MRPS35: variants seen among roughly 807,000 people sequenced by gnomAD.
MRPS35 encodes small ribosomal subunit protein mS35.
A neutral mutation model predicts 32.7 loss-of-function variants in MRPS35; 29 were observed. The observed-to-expected ratio is 0.89, with a 90% CI of 0.66 to 1.21. MRPS35 has a LOEUF of 1.21. MRPS35 is among the 50% of genes most tolerant of loss of function. The probability of loss-of-function intolerance (pLI) is 0.00; values close to 1 mark genes in which losing one functional copy is unlikely to be tolerated. For missense variants in MRPS35, 373 were observed against 383.8 expected (o/e 0.97, Z 0.23); for synonymous variants, 148 against 139.3 (o/e 1.06, Z -0.44).
At chr12:27,740,073 A>G (rs2061958060) in intron 7 of MRPS35, among the ~76,000 whole-genome samples, 1 of 152,204 alleles carries the variant, frequency 6.6e-6, no homozygotes, top group Non-Finnish European at 1.5e-5. Context: ...GAGCCGTGAA[A>G]TTTTGCGGAG....
At chr12:27,714,687 T>C in intron 1 of MRPS35, 93 bp from the exon 2 acceptor site, 3 of 946,184 alleles carry the variant, frequency 3.2e-6, no homozygotes. Flanking sequence ...ATACCTTAAA[T>C]TGTGTTAGAA....
At chr12:27,726,960 CTTTT>C (rs140813983) in intron 5 of MRPS35, among the ~76,000 whole-genome samples, 4 of 123,262 alleles carry the variant, frequency 3.2e-5, no homozygotes, top group African/African-American at 3.1e-5. Flanking sequence ...TGATGATGTC[CTTTT>C]TTTTTTTTTT....
In MRPS35 at chr12:27,742,499, C is replaced by G. The variant is rs191690707; in HGVS notation, c.702+4891C>G. ...TGAGAGCCACAGACAAGGGTTAACT[C>G]CCCCTGAAAACGTCACAGGAATGAT... is the stretch of plus-strand genomic sequence containing the variant. On this transcript the variant is annotated intron_variant, in intron 7 of 7. Coordinates refer to ENST00000081029, the MANE Select transcript of MRPS35 (RefSeq NM_021821.4). 6.8e-4 allele frequency among the ~76,000 whole-genome samples: 104 copies of G among 152,270 alleles called. 1 individual carries two copies. The highest frequency in any genetic ancestry group is 2.5e-3 in the African/African-American group (103 of 41,550).
intron 7 of MRPS35, among the ~76,000 whole-genome samples, chr12:27,740,466 C>G (rs2061960153): frequency 6.6e-6 from 1 of 152,074 alleles, no homozygotes; most frequent in South Asian, 2.1e-4. Context: ...GATGGGATTT[C>G]ACTGTGTTGT....
At chr12:27,722,186 C>G (rs1457991557) in intron 4 of MRPS35, among the ~76,000 whole-genome samples, 3 of 152,192 alleles carry the variant, frequency 2.0e-5, no homozygotes, top group Admixed American at 6.6e-5. Context: ...ATTGCGTCTT[C>G]CGTATAACTC....
At chr12:27,727,725 T>A (rs944715577) in intron 5 of MRPS35, among the ~76,000 whole-genome samples, 1 of 152,160 alleles carries the variant, frequency 6.6e-6, no homozygotes, top group African/African-American at 2.4e-5. Flanking sequence ...CCTAAAAGTT[T>A]TATAGTTTTA....
At chr12:27,740,964 C>T (rs527842429) in intron 7 of MRPS35, among the ~76,000 whole-genome samples, 1 of 152,032 alleles carries the variant, frequency 6.6e-6, no homozygotes, top group South Asian at 2.1e-4. Flanking sequence ...CTCAGGAGTT[C>T]GATACCACCC....
In MRPS35 at chr12:27,724,101, A is replaced by G. The variant is rs370568776; in HGVS notation, c.437A>G (p.His146Arg). The G allele has an allele frequency of 2.0e-5, 32 of 1,613,108 alleles. No individual in the cohort carries two copies. The African/African-American group carries it at 2.8e-4, about 14-fold the overall frequency. The change falls in exon 5 of 8, where the codon CAT becomes CGT. Residue 146 changes from histidine (H) to arginine (R), a missense_variant. Coordinates refer to ENST00000081029, the MANE Select transcript of MRPS35 (RefSeq NM_021821.4). ...GACAGTGACGAGAAATGTGAGAAGC[A>G]TTTTCCAATTGAAATTGACAGCACT... ...ALDSDEKCEK[H>R]FPIEIDSTDY... is the part of the protein sequence containing the mutation.
chr12:27,720,670 ACT>A (rs2061870372), intron 4 of MRPS35, among the ~76,000 whole-genome samples: 1 of 151,670 alleles, frequency 6.6e-6, no homozygotes, highest in Non-Finnish European at 1.5e-5. Flanking sequence ...ATACTTGTAT[ACT>A]CTCTGTAGTG....
At chr12:27,717,901 A>T (rs118048580) in intron 3 of MRPS35, among the ~76,000 whole-genome samples, 1 of 152,230 alleles carries the variant, frequency 6.6e-6, no homozygotes, top group African/African-American at 2.4e-5. Context: ...AACTGTGCCT[A>T]TGTAAGTCCA....
At chr12:27,721,499 A>C (rs1028072038) in intron 4 of MRPS35, among the ~76,000 whole-genome samples, 1 of 152,108 alleles carries the variant, frequency 6.6e-6, no homozygotes, top group African/African-American at 2.4e-5. Context: ...CTCTACAAAA[A>C]ACACAAAAAA....
intron 5 of MRPS35, among the ~76,000 whole-genome samples, chr12:27,732,603 T>C (rs2061925785): frequency 6.6e-6 from 1 of 152,152 alleles, no homozygotes; most frequent in Non-Finnish European, 1.5e-5. Flanking sequence ...ATCGTGAAGG[T>C]AGTCAACTGT....
chr12:27,753,731 C>T (rs1429943726), intron 7 of MRPS35, among the ~76,000 whole-genome samples: 1 of 152,122 alleles, frequency 6.6e-6, no homozygotes, highest in East Asian at 1.9e-4. Flanking sequence ...AAAAATGTGA[C>T]TAGTATTCAG....
At chr12:27,718,023 G>T (rs1426629649) in intron 3 of MRPS35, among the ~76,000 whole-genome samples, 1 of 151,946 alleles carries the variant, frequency 6.6e-6, no homozygotes, top group Non-Finnish European at 1.5e-5. Context: ...TCAACACTAG[G>T]GTTTATAATT....
chr12:27,715,016 T>G (rs1388790231), intron 2 of MRPS35, among the ~76,000 whole-genome samples, 196 bp downstream of exon 2: 5 of 152,238 alleles, frequency 3.3e-5, no homozygotes, highest in Non-Finnish European at 1.5e-5. Context: ...TTTGAGAGGT[T>G]GACTTACTGA....
chr12:27,736,711 GTCATC>G (rs1565469009), intron 6 of MRPS35, among the ~76,000 whole-genome samples: 1 of 152,058 alleles, frequency 6.6e-6, no homozygotes, highest in African/African-American at 2.4e-5. Context: ...AGCTCAATGT[GTCATC>G]TCATGTATGT....
In MRPS35 at chr12:27,755,441, T is replaced by C; in HGVS notation, c.963T>C (p.Asn321=). ...QYKESVKRLL[N]VT Reference sequence around the variant, plus strand: ...AAGAATCCGTGAAGAGACTATTAAATGTGACATGAATTATGGAGTAGAAAA... The same window carrying C: ...AAGAATCCGTGAAGAGACTATTAAACGTGACATGAATTATGGAGTAGAAAA... Residue 321 remains asparagine (N), a synonymous_variant, in exon 8 of 8, where the codon AAT becomes AAC. Transcript: ENST00000081029. 6.4e-7 allele frequency: 1 copy of C among 1,563,394 alleles called. No homozygotes were observed. Among genetic ancestry groups the C allele is most frequent in the Non-Finnish European group, 8.6e-7 (1 of 1,163,984 alleles).
At position 27,755,450 on chromosome 12, in the gene MRPS35, A is replaced by G; in HGVS notation, c.972A>G (p.Ter324TrpextTer4). 1.3e-6 allele frequency: 2 copies of G among 1,539,946 alleles called. No homozygotes were observed. Among genetic ancestry groups the G allele is most frequent in the South Asian group, 1.3e-5 (1 of 76,560 alleles). ...ESVKRLLNVT* is the reference protein window; with the variant it reads ...ESVKRLLNVTW Reference sequence around the variant, plus strand: ...TGAAGAGACTATTAAATGTGACATGAATTATGGAGTAGAAAAATCTGCTTG... The same window carrying G: ...TGAAGAGACTATTAAATGTGACATGGATTATGGAGTAGAAAAATCTGCTTG... Residue 324 changes from the stop codon to tryptophan (W), a stop_lost, in exon 8 of 8, where the codon TGA becomes TGG. Transcript: ENST00000081029.
chr12:27,734,736 T>C (rs984932036), intron 5 of MRPS35, among the ~76,000 whole-genome samples: 2 of 152,216 alleles, frequency 1.3e-5, no homozygotes, highest in Non-Finnish European at 2.9e-5. Context: ...ATATTAACCC[T>C]GCATTTTGAA....
Sources: gnomAD v4.1 joint callset for allele counts (sites outside exome capture counted in the v4.1 genomes callset) on GRCh38, gnomAD v4.1.1 for gene constraint, MANE v1.5 for transcripts, NCBI Gene and HGNC (gene_info 2026-07-23, HGNC 2026-07-21) for gene names.